ZC4H2: variants seen among roughly 807,000 people sequenced by gnomAD.
ZC4H2 encodes zinc finger C4H2-type containing.
For synonymous variants in ZC4H2, 84 were observed against 66.3 expected, an observed-to-expected ratio of 1.27 and a Z score of -1.30; for missense variants, 137 against 173.9, an observed-to-expected ratio of 0.79 and a Z score of 1.19.
chrX:65,019,832 A>G (rs776320844), intron 1 of ZC4H2, among the ~76,000 whole-genome samples: 58 of 112,342 alleles, frequency 5.2e-4, no homozygotes, highest in African/African-American at 1.8e-3. Flanking sequence ...CAGTTTAGAG[A>G]AGAACATAAA....
chrX:65,004,994 G>T (rs1236726901), intron 1 of ZC4H2, among the ~76,000 whole-genome samples: 2 of 111,322 alleles, frequency 1.8e-5, no homozygotes, highest in Admixed American at 1.9e-4. Context: ...GCTACAAAGA[G>T]ATTAAAATAC....
At chrX:64,993,685 C>T (rs1932354541) in intron 1 of ZC4H2, among the ~76,000 whole-genome samples, 1 of 111,839 alleles carries the variant, frequency 8.9e-6, no homozygotes, top group South Asian at 3.7e-4. Context: ...TATAACAGTG[C>T]AAATGGAATA....
chrX:64,959,230 G>A lies in ZC4H2; in HGVS notation c.53+17095C>T, dbSNP rs1474377244. Among the ~76,000 whole-genome samples the A allele has an allele frequency of 3.7e-5, 4 of 108,336 alleles. No individual in the cohort carries two copies. In the East Asian group the frequency reaches 1.2e-3, roughly 31 times the overall value. The allele number at this position is 108,336 out of a possible 115,157, so 94.1% of individuals were successfully genotyped here. ...ACAGTGAAGCAACAATATAAAAATA[G>A]CCTAGGTCCCCAATATCAAACACCA... On this transcript the variant is annotated intron_variant, in intron 1 of 4. Transcript: ENST00000374839.
At chrX:64,943,399 T>C (rs1930381435) in intron 1 of ZC4H2, among the ~76,000 whole-genome samples, 1 of 111,868 alleles carries the variant, frequency 8.9e-6, no homozygotes, top group South Asian at 3.7e-4. Context: ...TTTTTTTCCA[T>C]CTCATTGATA....
intron 1 of ZC4H2, among the ~76,000 whole-genome samples, chrX:64,975,292 C>T (rs1387610757): frequency 1.8e-5 from 2 of 111,277 alleles, no homozygotes. Flanking sequence ...AGAGATGCAA[C>T]CCCTCAAGAA....
chrX:64,992,722 T>C (rs889966654), intron 1 of ZC4H2, among the ~76,000 whole-genome samples: 6 of 111,413 alleles, frequency 5.4e-5, no homozygotes, highest in Non-Finnish European at 3.8e-5. Context: ...TACCGCCAAG[T>C]TCCATTCCCT....
intron 1 of ZC4H2, among the ~76,000 whole-genome samples, chrX:65,024,717 A>C (rs1932863709): frequency 8.9e-6 from 1 of 112,279 alleles, no homozygotes; most frequent in African/African-American, 3.2e-5. Context: ...CACAGCTATA[A>C]AAAATGACAC....
chrX:65,002,397 CG>C (rs1182164519), intron 1 of ZC4H2, among the ~76,000 whole-genome samples: 2 of 104,686 alleles, frequency 1.9e-5, no homozygotes, highest in African/African-American at 3.4e-5. Context: ...GGGAGGGAGG[CG>C]GGGGGTCAGC....
rs187847511 is a variant in ZC4H2, at chrX:64,972,668, C to T, written c.53+3657G>A. 2.3e-4 allele frequency among the ~76,000 whole-genome samples: 26 copies of T among 111,584 alleles called. No homozygotes were observed. In the East Asian group the frequency reaches 5.9e-3, roughly 25 times the overall value. On this transcript the variant is annotated intron_variant, in intron 1 of 4. Coordinates refer to ENST00000374839, the MANE Select transcript of ZC4H2 (RefSeq NM_018684.4). ...GGAAAGTTGCCTAATCTGTCTGATC[C>T]TCAATGTCCTTATCCGTAAAGTGGG...
rs974903908 is a variant in ZC4H2, at chrX:64,936,666, C to T, written c.54-14678G>A. On this transcript the variant is annotated intron_variant, in intron 1 of 4. Transcript: ENST00000374839. ...TTTAAACCCAGAATTTCATATCCAC[C>T]CAAACTAAGCTTCATAAGTGAAGGA... Among the ~76,000 whole-genome samples, 6 of 111,043 alleles carry T rather than the reference C, an allele frequency of 5.4e-5. No individual in the cohort carries two copies. The South Asian group carries it at 2.3e-3, about 42-fold the overall frequency.
At chrX:64,960,235 C>T (rs5964889) in intron 1 of ZC4H2, among the ~76,000 whole-genome samples, 15,612 of 109,633 alleles carry the variant, frequency 0.14, 2,705 homozygotes, top group African/African-American at 0.48. Flanking sequence ...GCCAAGGTAT[C>T]AAAATTTTTC....
At chrX:64,943,603 G>C (rs1254163116) in intron 1 of ZC4H2, among the ~76,000 whole-genome samples, 5 of 106,694 alleles carry the variant, frequency 4.7e-5, no homozygotes, top group Non-Finnish European at 1.0e-4. Context: ...CGTCTTTCTT[G>C]ATCTTTGTTG....
At chrX:65,024,316 A>T (rs190444566) in intron 1 of ZC4H2, among the ~76,000 whole-genome samples, 47 of 111,818 alleles carry the variant, frequency 4.2e-4, no homozygotes, top group Non-Finnish European at 8.3e-4. Flanking sequence ...CCACCATGAG[A>T]TACCATCTCA....
chrX:64,956,155 T>C (rs1303600160), intron 1 of ZC4H2, among the ~76,000 whole-genome samples: 1 of 112,108 alleles, frequency 8.9e-6, no homozygotes, highest in Non-Finnish European at 1.9e-5. Flanking sequence ...TGGAAAAATA[T>C]CTGTGCAGCT....
intron 1 of ZC4H2, among the ~76,000 whole-genome samples, chrX:64,967,473 A>T (rs1931631600): frequency 8.9e-6 from 1 of 112,046 alleles, no homozygotes; most frequent in South Asian, 3.7e-4. Flanking sequence ...GAATGATAAG[A>T]TCCCTTCCTT....
At chrX:64,997,739 C>T (rs1035804964) in intron 1 of ZC4H2, among the ~76,000 whole-genome samples, 7 of 111,397 alleles carry the variant, frequency 6.3e-5, no homozygotes, top group African/African-American at 2.3e-4. Context: ...TTCTGAGTAG[C>T]TGGGACTACA....
intron 1 of ZC4H2, among the ~76,000 whole-genome samples, chrX:64,943,167 G>C (rs1252503966): frequency 8.9e-6 from 1 of 111,984 alleles, no homozygotes. Flanking sequence ...TTAATCCTGA[G>C]TTCTAATTTG....
intron 1 of ZC4H2, among the ~76,000 whole-genome samples, chrX:64,954,309 A>G (rs1339980760): frequency 6.6e-5 from 5 of 76,158 alleles, no homozygotes; most frequent in Non-Finnish European, 1.1e-4. Flanking sequence ...CCTAAAACTT[A>G]AAGTATAATT....
intron 1 of ZC4H2, among the ~76,000 whole-genome samples, chrX:65,030,372 C>G (rs753533002): frequency 3.6e-5 from 4 of 111,273 alleles, no homozygotes; most frequent in African/African-American, 1.3e-4. Context: ...CTTGACCTCC[C>G]AAAGTGCTGG....
Sources: gnomAD v4.1 joint callset for allele counts (sites outside exome capture counted in the v4.1 genomes callset) on GRCh38, gnomAD v4.1.1 for gene constraint, MANE v1.5 for transcripts, NCBI Gene and HGNC (gene_info 2026-07-23, HGNC 2026-07-21) for gene names.